Variants in LRMDA observed in about 807,000 individuals in gnomAD.
LRMDA encodes the protein leucine-rich melanocyte differentiation-associated protein.
In LRMDA, 18 loss-of-function variants were observed where a neutral mutation model predicts 29.8. That is an observed-to-expected ratio of 0.60 (90% CI 0.42 to 0.90). LRMDA has a LOEUF of 0.90. LRMDA is among the 40% of genes least tolerant of loss of function. The probability of loss-of-function intolerance (pLI) is 0.00; values close to 1 mark genes in which losing one functional copy is unlikely to be tolerated. For missense variants in LRMDA, 273 were observed against 273.9 expected, an observed-to-expected ratio of 1.00 and a Z score of 0.02; for synonymous variants, 125 against 109.4, an observed-to-expected ratio of 1.14 and a Z score of -0.89.
chr10:76,224,085 G>A (rs1316039657), intron 5 of LRMDA, among the ~76,000 whole-genome samples: 3 of 152,098 alleles, frequency 2.0e-5, no homozygotes, highest in African/African-American at 4.8e-5. Flanking sequence ...CAGCATCACA[G>A]TGGTTGCTAA....
rs1007168781 is a variant in LRMDA at position 76,217,340 on chromosome 10, A to C, written c.517-107061A>C. Among the ~76,000 whole-genome samples, 4 of 152,196 alleles carry C rather than the reference A, an allele frequency of 2.6e-5. No individual in the cohort carries two copies. In the East Asian group the frequency reaches 7.7e-4, roughly 29 times the overall value. ...CTATACCTTCAGCTTCAACATTAACAATCCTTTGAAGCCAAGACATTGTAT... is the reference window on the plus strand; with the variant it reads ...CTATACCTTCAGCTTCAACATTAACCATCCTTTGAAGCCAAGACATTGTAT... On this transcript the variant is annotated intron_variant, in intron 5 of 6. Transcript: ENST00000611255.
At chr10:76,063,319 G>T (rs572493596) in intron 5 of LRMDA, among the ~76,000 whole-genome samples, 3 of 152,290 alleles carry the variant, frequency 2.0e-5, no homozygotes, top group South Asian at 4.1e-4. Flanking sequence ...GGCACAGTGT[G>T]TTCAAACGTA....
chr10:75,433,401 C>G (rs1189400195), intron 1 of LRMDA, among the ~76,000 whole-genome samples: 1 of 152,172 alleles, frequency 6.6e-6, no homozygotes, highest in Non-Finnish European at 1.5e-5. Flanking sequence ...ATTTTAGGCC[C>G]TTGGGGACTG....
intron 2 of LRMDA, among the ~76,000 whole-genome samples, chr10:75,637,155 G>GAT (rs1316160326): frequency 3.9e-5 from 6 of 152,194 alleles, no homozygotes; most frequent in African/African-American, 1.4e-4. Context: ...AAGGTTAACT[G>GAT]ATAGACGCTA....
intron 2 of LRMDA, among the ~76,000 whole-genome samples, chr10:75,676,025 G>A (rs893346215): frequency 5.9e-5 from 9 of 152,192 alleles, no homozygotes; most frequent in African/African-American, 2.2e-4. Flanking sequence ...ATAAGATCTT[G>A]TAGACAGGGG....
chr10:76,443,273 G>A (rs1214484847), intron 6 of LRMDA, among the ~76,000 whole-genome samples: 1 of 152,176 alleles, frequency 6.6e-6, no homozygotes, highest in African/African-American at 2.4e-5. Flanking sequence ...GCATTCTCTT[G>A]CAAATGCTGT....
chr10:75,819,085 C>T (rs978680157), intron 2 of LRMDA, among the ~76,000 whole-genome samples: 1 of 152,182 alleles, frequency 6.6e-6, no homozygotes, highest in African/African-American at 2.4e-5. Context: ...AAGTTGAAAA[C>T]AGAGGGAAAG....
intron 2 of LRMDA, among the ~76,000 whole-genome samples, chr10:75,857,811 A>G (rs1215631787): frequency 1.3e-5 from 2 of 152,218 alleles, no homozygotes; most frequent in African/African-American, 4.8e-5. Context: ...ATGAAGCAAT[A>G]CACATAAGAT....
intron 6 of LRMDA, among the ~76,000 whole-genome samples, chr10:76,424,268 T>G (rs1265578736): frequency 6.6e-6 from 1 of 152,218 alleles, no homozygotes; most frequent in African/African-American, 2.4e-5. Context: ...TGATGTTTAC[T>G]TACATGATTG....
intron 2 of LRMDA, among the ~76,000 whole-genome samples, chr10:75,446,938 C>T (rs1844403041): frequency 6.6e-6 from 1 of 152,100 alleles, no homozygotes; most frequent in Non-Finnish European, 1.5e-5. Context: ...CAGCCAAGGG[C>T]CTTATTCATA....
chr10:75,465,843 T>A (rs1041195603), intron 2 of LRMDA, among the ~76,000 whole-genome samples: 2 of 152,212 alleles, frequency 1.3e-5, no homozygotes, highest in Admixed American at 6.5e-5. Context: ...GAGAGCACAG[T>A]TAAAGTTTTA....
chr10:75,736,204 C>T (rs1166369902), intron 2 of LRMDA, among the ~76,000 whole-genome samples: 2 of 152,212 alleles, frequency 1.3e-5, no homozygotes, highest in African/African-American at 4.8e-5. Flanking sequence ...GCAGGCAAGA[C>T]TATAAGCTTT....
chr10:76,133,108 A>G (rs761835851), intron 5 of LRMDA, among the ~76,000 whole-genome samples: 15 of 151,212 alleles, frequency 9.9e-5, no homozygotes, highest in Admixed American at 2.6e-4. Context: ...AGCGTGAGCC[A>G]CTGAGCCCGG....
At chr10:75,761,799 T>G (rs569601019) in intron 2 of LRMDA, among the ~76,000 whole-genome samples, 2 of 139,828 alleles carry the variant, frequency 1.4e-5, no homozygotes, top group South Asian at 2.1e-4. Flanking sequence ...CTTTTGTTTT[T>G]TTTTTTTTGT....
intron 2 of LRMDA, among the ~76,000 whole-genome samples, chr10:75,575,766 G>A (rs1008871354): frequency 6.6e-6 from 1 of 152,152 alleles, no homozygotes; most frequent in Non-Finnish European, 1.5e-5. Context: ...AGAGTGCAAG[G>A]GGTTGGGGAA....
chr10:76,518,559 T>C (rs542003205), intron 6 of LRMDA, among the ~76,000 whole-genome samples: 1 of 152,178 alleles, frequency 6.6e-6, no homozygotes, highest in South Asian at 2.1e-4. Flanking sequence ...CTGTCAACAG[T>C]AAAAAACTCC....
chr10:75,449,151 CAA>C (rs779723533), intron 2 of LRMDA, among the ~76,000 whole-genome samples: 1,394 of 50,174 alleles, frequency 0.028, 4 homozygotes, highest in Middle Eastern at 0.043. Flanking sequence ...GACTCCATCT[CAA>C]AAAAAAAAAA....
At chr10:76,119,760 T>A (rs1052748344) in intron 5 of LRMDA, among the ~76,000 whole-genome samples, 28 of 152,344 alleles carry the variant, frequency 1.8e-4, no homozygotes, top group African/African-American at 6.5e-4. Flanking sequence ...CCTGAGGTTC[T>A]GGGCTTTCTC....
chr10:75,484,596 C>A (rs536623018), intron 2 of LRMDA, among the ~76,000 whole-genome samples: 2 of 152,238 alleles, frequency 1.3e-5, no homozygotes, highest in South Asian at 4.1e-4. Flanking sequence ...GCCCTAATTG[C>A]CAATGTGACT....
Sources: gnomAD v4.1 joint callset for allele counts (sites outside exome capture counted in the v4.1 genomes callset) on GRCh38, gnomAD v4.1.1 for gene constraint, MANE v1.5 for transcripts, NCBI Gene and HGNC (gene_info 2026-07-23, HGNC 2026-07-21) for gene names.